The following TYR variants were observed in gnomAD, a reference collection of about 807,000 sequenced individuals.
TYR encodes LB24-AB.
TYR carries 58 observed loss-of-function variants against 51.5 expected under a neutral mutation model. That is an observed-to-expected ratio of 1.13 (90% CI 0.91 to 1.40). TYR has a LOEUF of 1.40. Among genes scored for constraint, TYR ranks in the 40% most tolerant of loss-of-function variants. The probability of loss-of-function intolerance (pLI) is 0.00; values close to 1 mark genes in which losing one functional copy is unlikely to be tolerated. For missense variants in TYR, 732 were observed against 647.4 expected (o/e 1.13, Z -1.42); for synonymous variants, 263 against 235.2 (o/e 1.12, Z -1.08).
intron 3 of TYR, among the ~76,000 whole-genome samples, chr11:89,239,772 T>C (rs901619819): frequency 1.3e-4 from 20 of 152,162 alleles, no homozygotes; most frequent in African/African-American, 4.8e-4. Flanking sequence ...GTTTTAAATT[T>C]CCTTTTTAAT....
At chr11:89,254,340 C>T (rs547615786) in intron 3 of TYR, among the ~76,000 whole-genome samples, 1 of 151,820 alleles carries the variant, frequency 6.6e-6, no homozygotes, top group South Asian at 2.1e-4. Context: ...ATACTGTCTT[C>T]ATAGAATGAT....
chr11:89,284,591 A>T lies in TYR; in HGVS notation c.1185-182A>T, dbSNP rs1402459788. Among the ~76,000 whole-genome samples, 7 of 151,934 alleles carry T rather than the reference A, an allele frequency of 4.6e-5. 1 individual carries two copies. The South Asian group carries it at 1.0e-3, about 22-fold the overall frequency. ...CCTCAATATTTATTTTAAATGAGTG[A>T]ACTTCAAGGCCTGAAAGAATAAACT... On this transcript the variant is annotated intron_variant, in intron 3 of 4. Coordinates refer to ENST00000263321, the MANE Select transcript of TYR (RefSeq NM_000372.5).
In TYR at chr11:89,231,862, G is replaced by A. The variant is rs975924783; in HGVS notation, c.1184+3892G>A. 2.1e-4 allele frequency among the ~76,000 whole-genome samples: 29 copies of A among 140,168 alleles called. 8 individuals are homozygous for A. Among genetic ancestry groups the A allele is most frequent in the African/African-American group, 7.8e-4 (27 of 34,778 alleles). The allele number at this position is 140,168 out of a possible 152,430, so 92.0% of individuals were successfully genotyped here. ...TCGCCAGGCATGGTGGTGTGCGCTT[G>A]TGATCACAGCTGCTCAGGAGGCTGA... is the stretch of plus-strand genomic sequence containing the variant. On this transcript the variant is annotated intron_variant, in intron 3 of 4. Transcript: ENST00000263321.
intron 4 of TYR, among the ~76,000 whole-genome samples, chr11:89,291,645 T>A (rs1944854372): frequency 6.6e-6 from 1 of 151,998 alleles, no homozygotes; most frequent in Non-Finnish European, 1.5e-5. Context: ...TTAATTTTGT[T>A]TTATCAAATA....
chr11:89,265,010 C>T (rs1236491961), intron 3 of TYR, among the ~76,000 whole-genome samples: 4 of 151,966 alleles, frequency 2.6e-5, no homozygotes, highest in Non-Finnish European at 5.9e-5. Context: ...TTGACAGTTA[C>T]GTCAGTTTTG....
At chr11:89,293,467 G>A (rs1219644932) in intron 4 of TYR, among the ~76,000 whole-genome samples, 1 of 151,616 alleles carries the variant, frequency 6.6e-6, no homozygotes, top group African/African-American at 2.4e-5. Context: ...CTAATGCAGA[G>A]GAAATAATAC....
At chr11:89,212,000 T>C (rs917341140) in intron 2 of TYR, among the ~76,000 whole-genome samples, 2 of 151,826 alleles carry the variant, frequency 1.3e-5, no homozygotes, top group Admixed American at 1.3e-4. Context: ...AAGCAGGAAA[T>C]ATCTAAAATT....
chr11:89,216,647 C>CAAAAAAAAAAAAAAAAAAAAA (rs11411684), intron 2 of TYR, among the ~76,000 whole-genome samples: 11 of 80,792 alleles, frequency 1.4e-4, no homozygotes, highest in Non-Finnish European at 1.9e-4. Context: ...TTTTCCATCT[C>CAAAAAAAAAAAAAAAAAAAAA]AAAAAAAAAA....
intron 3 of TYR, among the ~76,000 whole-genome samples, chr11:89,253,309 G>C (rs991828034): frequency 6.6e-6 from 1 of 151,632 alleles, no homozygotes; most frequent in African/African-American, 2.4e-5. Context: ...TTTTTATTGA[G>C]GTATTTATTT....
At chr11:89,193,333 G>GA (rs1333975568) in intron 2 of TYR, among the ~76,000 whole-genome samples, 1 of 151,986 alleles carries the variant, frequency 6.6e-6, no homozygotes, top group Admixed American at 6.6e-5. Flanking sequence ...TCAAGTCAAA[G>GA]AAAAAAAGTG....
chr11:89,295,031 G>A (rs1462453034), intron 4 of TYR, 112 bp from the exon 5 acceptor site: 2 of 1,522,490 alleles, frequency 1.3e-6, no homozygotes, highest in Non-Finnish European at 1.8e-6. Flanking sequence ...AAGTAGTAGA[G>A]CTGGCCTTCA....
chr11:89,182,364 A>T (rs1943311755), intron 1 of TYR, among the ~76,000 whole-genome samples: 1 of 152,122 alleles, frequency 6.6e-6, no homozygotes, highest in African/African-American at 2.4e-5. Context: ...TTTTTATAGC[A>T]CTGGATTCCC....
At chr11:89,186,848 G>C (rs12799516) in intron 1 of TYR, among the ~76,000 whole-genome samples, 25,647 of 152,032 alleles carry the variant, frequency 0.17, 2,631 homozygotes, top group African/African-American at 0.29. Context: ...CAACAGTACT[G>C]ATGTCCTCAT....
chr11:89,240,193 G>A (rs11018546), intron 3 of TYR, among the ~76,000 whole-genome samples: 35,121 of 151,748 alleles, frequency 0.23, 4,328 homozygotes, highest in Non-Finnish European at 0.28. Flanking sequence ...CCTGGCAAAC[G>A]TTTACCTACA....
chr11:89,234,512 C>A (rs1448188628), intron 3 of TYR, among the ~76,000 whole-genome samples: 1 of 143,538 alleles, frequency 7.0e-6, no homozygotes, highest in Admixed American at 6.9e-5. Flanking sequence ...TTTCAACATG[C>A]CTTCCTCACT....
At chr11:89,263,342 G>C (rs1944485639) in intron 3 of TYR, among the ~76,000 whole-genome samples, 1 of 151,516 alleles carries the variant, frequency 6.6e-6, no homozygotes. Flanking sequence ...AATAAAAAAA[G>C]AGCTTTCTCA....
chr11:89,285,297 A>G (rs1944771581), intron 4 of TYR, among the ~76,000 whole-genome samples: 1 of 151,796 alleles, frequency 6.6e-6, no homozygotes, highest in Non-Finnish European at 1.5e-5. Flanking sequence ...ATCTCAGTTT[A>G]TTCACCTGAA....
chr11:89,221,471 A>G (rs1282364450), intron 2 of TYR, among the ~76,000 whole-genome samples: 1 of 152,250 alleles, frequency 6.6e-6, no homozygotes, highest in African/African-American at 2.4e-5. Context: ...GTTGGTTGAA[A>G]GTTAATGCTT....
At chr11:89,266,061 T>G (rs1159569701) in intron 3 of TYR, among the ~76,000 whole-genome samples, 1 of 152,000 alleles carries the variant, frequency 6.6e-6, no homozygotes, top group African/African-American at 2.4e-5. Context: ...TTGGGCTCCT[T>G]TTTCCAGCAG....
Sources: gnomAD v4.1 joint callset for allele counts (sites outside exome capture counted in the v4.1 genomes callset) on GRCh38, gnomAD v4.1.1 for gene constraint, MANE v1.5 for transcripts, NCBI Gene and HGNC (gene_info 2026-07-23, HGNC 2026-07-21) for gene names.